The following DMD variants were observed in gnomAD, a reference collection of about 807,000 sequenced individuals.
The protein encoded by DMD is dystrophin.
Under a neutral mutation model 330.1 loss-of-function variants are expected in DMD, and 63 were observed. The ratio of observed to expected loss-of-function variants is 0.19; its 90% CI spans 0.16 to 0.24. The LOEUF is 0.24. DMD is among the 10% of genes least tolerant of loss of function. DMD has a pLI of 1.00. For missense variants in DMD, 3,344 were observed against 2,684.1 expected (o/e 1.25, Z -5.43); for synonymous variants, 1,223 against 959.8 (o/e 1.27, Z -5.07).
chrX:33,166,675 C>T (rs1037116542), intron 1 of DMD, among the ~76,000 whole-genome samples: 2 of 110,232 alleles, frequency 1.8e-5, no homozygotes, highest in East Asian at 2.8e-4. Context: ...TATAATTTCT[C>T]CTCTTTTCAG....
chrX:32,697,684 G>A (rs1377406891), intron 9 of DMD, among the ~76,000 whole-genome samples, 186 bp downstream of exon 9: 1 of 111,964 alleles, frequency 8.9e-6, no homozygotes, highest in Non-Finnish European at 1.9e-5. Flanking sequence ...TCAACGTATA[G>A]TAAACCTAGA....
intron 9 of DMD, among the ~76,000 whole-genome samples, chrX:32,672,415 G>A (rs759532219): frequency 6.6e-4 from 73 of 110,855 alleles, no homozygotes; most frequent in Admixed American, 1.4e-3. Context: ...ATTCTATTAA[G>A]GATTTATATT....
At chrX:32,757,623 G>A (rs754203651) in intron 7 of DMD, among the ~76,000 whole-genome samples, 14 of 110,535 alleles carry the variant, frequency 1.3e-4, no homozygotes, top group Admixed American at 2.9e-4. Context: ...AAAGTTTCCC[G>A]GAACATGCTT....
In DMD at chrX:32,784,361, T is replaced by C. The variant is rs1268365222; in HGVS notation, c.649+25132A>G. Among the ~76,000 whole-genome samples the C allele has an allele frequency of 2.7e-5, 3 of 111,798 alleles. No homozygotes were observed. The East Asian group carries it at 8.4e-4, about 31-fold the overall frequency. ...ACTGAGTTTCACTTGTAAAAATCCA[T>C]TGCTCAAACCTAAGGATGGTGGGGG... On this transcript the variant is annotated intron_variant, in intron 7 of 78. Transcript: ENST00000357033.
At chrX:31,214,490 T>C (rs1359868808) in intron 64 of DMD, among the ~76,000 whole-genome samples, 1 of 111,832 alleles carries the variant, frequency 8.9e-6, no homozygotes, top group African/African-American at 3.3e-5. Flanking sequence ...TACACCTAAC[T>C]AACTGAAACT....
At chrX:32,543,260 AC>A (rs200145029) in intron 17 of DMD, among the ~76,000 whole-genome samples, 15,960 of 110,618 alleles carry the variant, frequency 0.14, 1,786 homozygotes, top group African/African-American at 0.37. Context: ...TATGATACAA[AC>A]AAATTTTGGA....
chrX:32,982,166 G>A (rs1392793433), intron 2 of DMD, among the ~76,000 whole-genome samples: 3 of 111,592 alleles, frequency 2.7e-5, no homozygotes, highest in African/African-American at 9.8e-5. Flanking sequence ...AATTAAAGGA[G>A]CTAACTGTTG....
intron 45 of DMD, among the ~76,000 whole-genome samples, chrX:31,963,406 T>C (rs1444957320): frequency 8.9e-6 from 1 of 111,951 alleles, no homozygotes; most frequent in African/African-American, 3.2e-5. Context: ...GTACATGAAG[T>C]CTCACACAAG....
chrX:32,000,151 A>G lies in DMD; in HGVS notation c.6439-31637T>C, dbSNP rs778140901. Among the ~76,000 whole-genome samples, 7 of 112,502 alleles carry G rather than the reference A, an allele frequency of 6.2e-5. No individual in the cohort carries two copies. The South Asian group carries it at 1.4e-3, about 23-fold the overall frequency. Reference sequence around the variant, plus strand: ...TGGAATTTCCAATTGTGTATCTTGGACAATCCATGCACAATTAGAAACAGA... The same window carrying G: ...TGGAATTTCCAATTGTGTATCTTGGGCAATCCATGCACAATTAGAAACAGA... On this transcript the variant is annotated intron_variant, in intron 44 of 78. Coordinates refer to ENST00000357033, the MANE Select transcript of DMD (RefSeq NM_004006.3).
At chrX:32,063,560 A>T (rs1316527506) in intron 44 of DMD, among the ~76,000 whole-genome samples, 3 of 111,330 alleles carry the variant, frequency 2.7e-5, no homozygotes, top group Non-Finnish European at 5.7e-5. Context: ...AGATCCACAA[A>T]ATGCAAACCT....
At chrX:31,658,484 T>C (rs2080921532) in intron 53 of DMD, among the ~76,000 whole-genome samples, 1 of 112,134 alleles carries the variant, frequency 8.9e-6, no homozygotes, top group Non-Finnish European at 1.9e-5. Flanking sequence ...ATATGTGACA[T>C]ATAACAACAT....
At chrX:32,596,384 A>G (rs753200779) in intron 12 of DMD, among the ~76,000 whole-genome samples, 3 of 110,804 alleles carry the variant, frequency 2.7e-5, no homozygotes, top group Admixed American at 9.6e-5. Context: ...ACCCATTGAA[A>G]TATCTTTTGT....
intron 7 of DMD, among the ~76,000 whole-genome samples, chrX:32,762,090 G>A (rs936639388): frequency 6.5e-5 from 7 of 107,787 alleles, no homozygotes; most frequent in African/African-American, 2.4e-4. Context: ...GGCAGAGGTT[G>A]CAGTGAGGCC....
chrX:33,285,005 T>C (rs747138725), intron 1 of DMD, among the ~76,000 whole-genome samples: 1 of 110,702 alleles, frequency 9.0e-6, no homozygotes, highest in South Asian at 3.9e-4. Flanking sequence ...TCTGTGGCTC[T>C]TTTTGGTTCC....
At chrX:31,766,144 T>A (rs5927845) in intron 51 of DMD, among the ~76,000 whole-genome samples, 12,269 of 111,078 alleles carry the variant, frequency 0.11, 561 homozygotes, top group East Asian at 0.25. Flanking sequence ...TGCTTTCCTG[T>A]AAGAAAGTTA....
intron 5 of DMD, among the ~76,000 whole-genome samples, chrX:32,821,929 G>A (rs1016732589): frequency 9.0e-6 from 1 of 110,926 alleles, no homozygotes; most frequent in Non-Finnish European, 1.9e-5. Flanking sequence ...GAACGTGGTG[G>A]GGGGGAGTTA....
At chrX:31,131,926 A>G (rs1316517681) in intron 77 of DMD, among the ~76,000 whole-genome samples, 1 of 112,154 alleles carries the variant, frequency 8.9e-6, no homozygotes, top group African/African-American at 3.2e-5. Context: ...TGCCAAGATC[A>G]TGGTATTACA....
intron 30 of DMD, among the ~76,000 whole-genome samples, chrX:32,398,263 ACC>A (rs149357713): frequency 0.037 from 3,416 of 92,216 alleles, 154 homozygotes; most frequent in African/African-American, 0.12. Flanking sequence ...CTTTTTTTAA[ACC>A]CCCCCCCCCA....
chrX:31,893,385 G>A (rs771666747), intron 47 of DMD, among the ~76,000 whole-genome samples: 13 of 111,262 alleles, frequency 1.2e-4, no homozygotes, highest in Admixed American at 2.9e-4. Context: ...TCTAGCCACC[G>A]TCCTCCAAGG....
Sources: allele counts gnomAD v4.1 joint callset (sites outside exome capture counted in the v4.1 genomes callset), GRCh38; gene constraint gnomAD v4.1.1; transcripts MANE v1.5; gene names NCBI Gene and HGNC (gene_info 2026-07-23, HGNC 2026-07-21).